The following NFASC variants were observed in gnomAD, a reference collection of about 807,000 sequenced individuals.
NFASC encodes neurofascin.
In NFASC, 43 loss-of-function variants were observed where a neutral mutation model predicts 147.5. The observed-to-expected ratio is 0.29, with a 90% CI of 0.23 to 0.38. The LOEUF (loss-of-function observed/expected upper bound fraction) is 0.38. Among genes scored for constraint, NFASC ranks in the 10% least tolerant of loss-of-function variants. The probability of loss-of-function intolerance (pLI) is 1.00; values close to 1 mark genes in which losing one functional copy is unlikely to be tolerated. For synonymous variants in NFASC, 622 were observed against 665.5 expected (o/e 0.93, Z 1.01); for missense variants, 1,320 against 1,689.0 (o/e 0.78, Z 3.83).
intron 28 of NFASC, among the ~76,000 whole-genome samples, chr1:205,012,163 G>A (rs537224937): frequency 3.3e-5 from 5 of 152,352 alleles, no homozygotes; most frequent in South Asian, 2.1e-4. Context: ...CAAGGGCACC[G>A]TAGCTGACAC....
At chr1:204,859,349 G>A (rs1443704615) in intron 1 of NFASC, among the ~76,000 whole-genome samples, 3 of 152,216 alleles carry the variant, frequency 2.0e-5, no homozygotes, top group Non-Finnish European at 2.9e-5. Context: ...CCCTAGATGG[G>A]ACCATCCTTG....
intron 1 of NFASC, 47 bp downstream of exon 1, chr1:204,828,829 A>G (rs1421188609): frequency 3.0e-6 from 3 of 984,582 alleles, no homozygotes; most frequent in African/African-American, 1.8e-5. Flanking sequence ...GAGTCATGGA[A>G]ACCCACCTAG....
chr1:205,001,148 C>T, intron 25 of NFASC, 22 bp from the exon 26 acceptor site: 1 of 1,448,600 alleles, frequency 6.9e-7, no homozygotes, highest in South Asian at 1.2e-5. Context: ...ATCACTAACC[C>T]CTTTTCTAAC....
At chr1:204,961,852 T>TA (rs1213697569) in intron 8 of NFASC, among the ~76,000 whole-genome samples, 2 of 152,234 alleles carry the variant, frequency 1.3e-5, no homozygotes, top group African/African-American at 4.8e-5. Flanking sequence ...TCTTTAATTT[T>TA]AAAAAAACCA....
chr1:204,985,992 G>C, intron 21 of NFASC: 1 of 1,613,852 alleles, frequency 6.2e-7, no homozygotes, highest in Middle Eastern at 1.7e-4. Context: ...CCTGGTGACC[G>C]CCTCCGTGGC....
chr1:204,989,639 T>C (rs2095681973), intron 23 of NFASC: 2 of 152,182 alleles, frequency 1.3e-5, no homozygotes, highest in African/African-American at 4.8e-5. Flanking sequence ...GATACAATGG[T>C]CTATTCAACA....
chr1:205,009,834 G>C lies in NFASC; in HGVS notation c.3421+146G>C. 8 of 866,586 alleles carry C rather than the reference G, an allele frequency of 9.2e-6. No homozygotes were observed. In the South Asian group the frequency reaches 1.3e-4, roughly 14 times the overall value. The allele number at this position is 866,586 out of a possible 1,614,324, so 53.7% of individuals were successfully genotyped here. A position where few individuals can be genotyped will look rare whatever the true frequency, so the allele number is the denominator to read the frequency against. ...TTGGAAATACAATCCTCTTGCCTGT[G>C]CATCTTCAGACTGCCAGCGAGCACT... On this transcript the variant is annotated intron_variant, in intron 28 of 29. Transcript: ENST00000339876.
At chr1:204,959,527 T>C (rs2094569772) in intron 8 of NFASC, among the ~76,000 whole-genome samples, 1 of 152,202 alleles carries the variant, frequency 6.6e-6, no homozygotes, top group Admixed American at 6.5e-5. Context: ...AGGACAGGAC[T>C]AACAGCATTG....
At chr1:204,858,939 C>T (rs1244360803) in intron 1 of NFASC, among the ~76,000 whole-genome samples, 1 of 152,084 alleles carries the variant, frequency 6.6e-6, no homozygotes, top group Admixed American at 6.5e-5. Flanking sequence ...GGTTTTACCA[C>T]CCGTCTCTTG....
chr1:204,835,776 T>G lies in NFASC; in HGVS notation c.-200+6994T>G, dbSNP rs190200793. ...TCGTTGCACTGCTGTCTCCCTGATTTGCTTCTCTGAGCACGTACGATGCCC... is the reference window on the plus strand; with the variant it reads ...TCGTTGCACTGCTGTCTCCCTGATTGGCTTCTCTGAGCACGTACGATGCCC... On this transcript the variant is annotated intron_variant, in intron 1 of 29. Transcript: ENST00000339876. 3.4e-4 allele frequency among the ~76,000 whole-genome samples: 51 copies of G among 152,236 alleles called. No homozygotes were observed. The East Asian group carries it at 8.9e-3, about 27-fold the overall frequency.
At chr1:204,894,177 T>TA (rs2082953662) in intron 1 of NFASC, among the ~76,000 whole-genome samples, 1 of 152,216 alleles carries the variant, frequency 6.6e-6, no homozygotes, top group African/African-American at 2.4e-5. Flanking sequence ...TTGGCAGAGA[T>TA]TAAAAAAATA....
chr1:204,976,697 C>G lies in NFASC; in HGVS notation c.1733C>G (p.Thr578Ser). Residue 578 changes from threonine (T) to serine (S), a missense_variant, in exon 16 of 30, where the codon ACC becomes AGC. By Grantham distance (58) the Thr-to-Ser change is moderately conservative. Transcript: ENST00000339876. ...ATGAAGAAGGAAGACGACTCCCTGA[C>G]CATCTTTGGGGTGGCAGAGCGGGAC... is the stretch of plus-strand genomic sequence containing the variant. ...NRMKKEDDSLTIFGVAERDQG... is the reference protein window; with the variant it reads ...NRMKKEDDSLSIFGVAERDQG... The G allele has an allele frequency of 1.9e-6, 3 of 1,613,938 alleles. No individual in the cohort carries two copies. In the South Asian group the frequency reaches 3.3e-5, roughly 18 times the overall value.
intron 2 of NFASC, among the ~76,000 whole-genome samples, chr1:204,927,125 G>A (rs1171238329): frequency 6.6e-6 from 1 of 152,050 alleles, no homozygotes; most frequent in Non-Finnish European, 1.5e-5. Context: ...ACAATTCAGT[G>A]ATTTTTAGTG....
intron 2 of NFASC, among the ~76,000 whole-genome samples, chr1:204,942,660 GA>G (rs150493291): frequency 0.31 from 47,576 of 151,952 alleles, 9,483 homozygotes; most frequent in Non-Finnish European, 0.44. Flanking sequence ...CCACAGGGGG[GA>G]AAAGTGGACC....
At chr1:204,980,592 C>T in intron 20 of NFASC, 152 bp downstream of exon 20, 1 of 636,530 alleles carries the variant, frequency 1.6e-6, no homozygotes. Context: ...AAACCAAGCT[C>T]CTCTCTGAGT....
intron 28 of NFASC, among the ~76,000 whole-genome samples, chr1:205,011,343 TC>T (rs1261943545): frequency 2.0e-5 from 3 of 152,310 alleles, no homozygotes; most frequent in Middle Eastern, 6.8e-3. Context: ...GAAATGATTG[TC>T]CCTTACTGGT....
chr1:204,922,979 C>T (rs959901724), intron 2 of NFASC, among the ~76,000 whole-genome samples: 41 of 152,184 alleles, frequency 2.7e-4, no homozygotes, highest in African/African-American at 8.4e-4. Context: ...AAGTAGGGCC[C>T]ATTATTACCC....
In NFASC at chr1:204,954,044, C is replaced by T; in HGVS notation, c.216-144C>T. 1 of 688,246 alleles carries T rather than the reference C, an allele frequency of 1.5e-6. No individual in the cohort carries two copies. Among genetic ancestry groups the T allele is most frequent in the Non-Finnish European group, 2.5e-6 (1 of 397,108 alleles). 42.6% of individuals were successfully genotyped at this position (688,246 alleles called of 1,614,324 possible). A position where few individuals can be genotyped will look rare whatever the true frequency, so the allele number is the denominator to read the frequency against. ...CAGATGGTTCTTCTGCTCAGCCAGG[C>T]TGAGACCTGTTGGTATGGGGTGCCA... On this transcript the variant is annotated intron_variant, in intron 5 of 29. Transcript: ENST00000339876. The surrounding 1 kb of genome is among the most constrained non-coding windows in gnomAD (Gnocchi z 5.7).
chr1:204,828,771 G>A lies in NFASC; in HGVS notation c.-211G>A, dbSNP rs968946099. 142 of 985,302 alleles carry A rather than the reference G, an allele frequency of 1.4e-4. No homozygotes were observed. Among genetic ancestry groups the A allele is most frequent in the Non-Finnish European group, 1.6e-4 (136 of 830,002 alleles). The allele number at this position is 985,302 out of a possible 1,614,324, so 61.0% of individuals were successfully genotyped here. On this transcript the variant is annotated 5_prime_UTR_variant, in exon 1 of 30. Transcript: ENST00000339876. Reference sequence around the variant, plus strand: ...CGGACAGCGCCCAGGGCCGGAGCCCGAGCCCTTGGAGGTAGGCGAGCGCGA... The same window carrying A: ...CGGACAGCGCCCAGGGCCGGAGCCCAAGCCCTTGGAGGTAGGCGAGCGCGA...
Sources: allele counts gnomAD v4.1 joint callset (sites outside exome capture counted in the v4.1 genomes callset), GRCh38; gene constraint gnomAD v4.1.1; non-coding constraint Gnocchi (gnomAD v3.1); transcripts MANE v1.5; gene names NCBI Gene and HGNC (gene_info 2026-07-23, HGNC 2026-07-21).